RBMS2: variants seen among roughly 807,000 people sequenced by gnomAD.
RBMS2 encodes the protein RNA-binding motif, single-stranded-interacting protein 2.
A neutral mutation model predicts 58.4 loss-of-function variants in RBMS2; 38 were observed. The ratio of observed to expected loss-of-function variants is 0.65; its 90% CI spans 0.50 to 0.85. The LOEUF (loss-of-function observed/expected upper bound fraction) is 0.85, where lower values mean the gene tolerates loss of function less well. Among genes scored for constraint, RBMS2 ranks in the 40% least tolerant of loss-of-function variants. The pLI is 0.00. For missense variants in RBMS2, 367 were observed against 503.7 expected (o/e 0.73, Z 2.60); for synonymous variants, 151 against 180.7 (o/e 0.84, Z 1.32).
intron 2 of RBMS2, among the ~76,000 whole-genome samples, chr12:56,564,093 G>A (rs898897312): frequency 5.3e-5 from 8 of 150,302 alleles, no homozygotes; most frequent in Non-Finnish European, 7.4e-5. Context: ...GATTATAGGC[G>A]CACGCCACCA....
In RBMS2 at chr12:56,594,819, A is replaced by T. The variant is rs1885592458; in HGVS notation, c.*5686A>T. 6.6e-6 allele frequency: 1 copy of T among 152,196 alleles called. No individual in the cohort carries two copies. Among genetic ancestry groups the T allele is most frequent in the African/African-American group, 2.4e-5 (1 of 41,420 alleles). The allele number at this position is 152,196 out of a possible 1,614,324, so 9.4% of individuals were successfully genotyped here. Reference sequence around the variant, plus strand: ...CCCCAAACTTCCTTGTCCTTGTTACACGTCTACCTCACAACCTCACAATTC... The same window carrying T: ...CCCCAAACTTCCTTGTCCTTGTTACTCGTCTACCTCACAACCTCACAATTC... On this transcript the variant is annotated 3_prime_UTR_variant, in exon 14 of 14. Transcript: ENST00000262031.
chr12:56,567,705 G>T (rs577328738), intron 2 of RBMS2, among the ~76,000 whole-genome samples: 15 of 151,428 alleles, frequency 9.9e-5, no homozygotes, highest in African/African-American at 3.6e-4. Flanking sequence ...GGACATTGTG[G>T]TACACACCTT....
intron 1 of RBMS2, among the ~76,000 whole-genome samples, chr12:56,529,072 A>G (rs936153619): frequency 2.0e-5 from 3 of 152,056 alleles, no homozygotes; most frequent in Non-Finnish European, 4.4e-5. Context: ...CAGGAATTCC[A>G]CTCCTAGATA....
At chr12:56,537,589 T>A (rs1214973641) in intron 1 of RBMS2, among the ~76,000 whole-genome samples, 1 of 152,230 alleles carries the variant, frequency 6.6e-6, no homozygotes, top group African/African-American at 2.4e-5. Flanking sequence ...TTTATTCATT[T>A]TCCCATTGAT....
At chr12:56,560,360 C>G (rs1463133395) in intron 1 of RBMS2, among the ~76,000 whole-genome samples, 1 of 151,710 alleles carries the variant, frequency 6.6e-6, no homozygotes, top group Non-Finnish European at 1.5e-5. Flanking sequence ...GGGTTCACAC[C>G]ATTCTTCTGC....
At position 56,581,361 on chromosome 12, in the gene RBMS2, G is replaced by A. The variant is rs750421234; in HGVS notation, c.623-38G>A. On this transcript the variant is annotated intron_variant, in intron 6 of 13. Coordinates refer to ENST00000262031, the MANE Select transcript of RBMS2 (RefSeq NM_002898.4). ...CATGACTGTGCCTGGGCCACATGAGGTGGGACTCAGCTGCCCATCTGCCTT... is the reference window on the plus strand; with the variant it reads ...CATGACTGTGCCTGGGCCACATGAGATGGGACTCAGCTGCCCATCTGCCTT... 2.5e-6 allele frequency: 4 copies of A among 1,603,448 alleles called. No individual in the cohort carries two copies. The South Asian group carries it at 3.3e-5, about 13-fold the overall frequency.
intron 2 of RBMS2, among the ~76,000 whole-genome samples, chr12:56,567,353 C>A (rs1446227723): frequency 2.7e-5 from 4 of 148,142 alleles, no homozygotes; most frequent in Middle Eastern, 3.4e-3. Flanking sequence ...CCATTGCACT[C>A]CAGCCTGGGC....
At chr12:56,522,248 C>T (rs1871844246) in intron 1 of RBMS2, among the ~76,000 whole-genome samples, 159 bp downstream of exon 1, 1 of 152,036 alleles carries the variant, frequency 6.6e-6, no homozygotes, top group Non-Finnish European at 1.5e-5. Flanking sequence ...CTGCTTTCTG[C>T]ATCTTTCCTC....
At chr12:56,559,570 G>A (rs938775912) in intron 1 of RBMS2, among the ~76,000 whole-genome samples, 2 of 150,708 alleles carry the variant, frequency 1.3e-5, no homozygotes, top group East Asian at 2.1e-4. Flanking sequence ...TTTAGGTCAC[G>A]GCCGGGCGCG....
In RBMS2 at chr12:56,588,923, A is replaced by G; in HGVS notation, c.1144-9A>G. 2.5e-6 allele frequency: 4 copies of G among 1,614,090 alleles called. No homozygotes were observed. The highest frequency in any genetic ancestry group is 3.4e-6 in the Non-Finnish European group (4 of 1,179,956). On this transcript the variant is annotated splice_polypyrimidine_tract_variant and intron_variant, in intron 12 of 13. Transcript: ENST00000262031. ...CGCAAGATGACCCCCCTCCTTGGCT[A>G]TGGCACAGGAGAGCAGCGGCCAACA... is the stretch of plus-strand genomic sequence containing the variant.
At chr12:56,579,292 A>G (rs966153269) in intron 5 of RBMS2, among the ~76,000 whole-genome samples, 1 of 152,092 alleles carries the variant, frequency 6.6e-6, no homozygotes, top group African/African-American at 2.4e-5. Context: ...TACGATACCT[A>G]ATGTGTGGTT....
chr12:56,562,506 G>A lies in RBMS2; in HGVS notation c.156G>A (p.Gln52=). Residue 52 remains glutamine (Q), a synonymous_variant, in exon 2 of 14, where the codon CAG becomes CAA. Transcript: ENST00000262031. ...GTAGTGGAAGCAATGGAAATGACCA[G>A]CTGAGCAAAACCAACCTATACATCC... ...NSSSGSNGND[Q]LSKTNLYIRG... 1.2e-6 allele frequency: 2 copies of A among 1,609,584 alleles called. No homozygotes were observed. The highest frequency in any genetic ancestry group is 1.7e-6 in the Non-Finnish European group (2 of 1,175,832).
chr12:56,586,776 T>A (rs1884727340), intron 9 of RBMS2, 73 bp from the exon 10 acceptor site: 1 of 1,315,906 alleles, frequency 7.6e-7, no homozygotes, highest in African/African-American at 1.5e-5. Flanking sequence ...CTGAGCTTTG[T>A]TGAACATTAT....
At position 56,568,980 on chromosome 12, in the gene RBMS2, G is replaced by C; in HGVS notation, c.239G>C (p.Gly80Ala). The C allele has an allele frequency of 6.2e-7, 1 of 1,610,928 alleles. No individual in the cohort carries two copies. The highest frequency in any genetic ancestry group is 8.5e-7 in the Non-Finnish European group (1 of 1,177,194). ...TGCATTTTCCTCTCCCTTAGATATG[G>C]CAAGATTGTTTCCACTAAGGCCATA... ...QDLVKLCQPY[G>A]KIVSTKAILD... The change falls in exon 3 of 14, where the codon GGC becomes GCC. Residue 80 changes from glycine to alanine, a missense_variant. Transcript: ENST00000262031.
At chr12:56,527,237 G>T (rs1274901980) in intron 1 of RBMS2, among the ~76,000 whole-genome samples, 1 of 152,210 alleles carries the variant, frequency 6.6e-6, no homozygotes, top group Non-Finnish European at 1.5e-5. Flanking sequence ...ATAGGACTGA[G>T]AATTAAGAAC....
At chr12:56,582,000 T>G in intron 8 of RBMS2, 59 bp from the exon 9 acceptor site, 1 of 1,568,156 alleles carries the variant, frequency 6.4e-7, no homozygotes, top group African/African-American at 1.4e-5. Flanking sequence ...GCCTATCAGT[T>G]GGGACCCTTC....
In RBMS2 at chr12:56,544,754, A is replaced by ATTTTTTTTT. The variant is rs537510847; in HGVS notation, c.67-17658_67-17650dup. 5.7e-4 allele frequency among the ~76,000 whole-genome samples: 66 copies of ATTTTTTTTT among 116,060 alleles called. 1 individual carries two copies. The highest frequency in any genetic ancestry group is 7.2e-4 in the Non-Finnish European group (42 of 58,362). The allele number at this position is 116,060 out of a possible 152,430, so 76.1% of individuals were successfully genotyped here. ...TGCCACCATGCCCAGCTAATTTTTAATTTTTTTTTTTTTCTTTTTTGTAGA... is the reference window on the plus strand; with the variant it reads ...TGCCACCATGCCCAGCTAATTTTTAATTTTTTTTTTTTTTTTTTTTTTCTTTTTTGTAGA... On this transcript the variant is annotated intron_variant, in intron 1 of 13. Coordinates refer to ENST00000262031, the MANE Select transcript of RBMS2 (RefSeq NM_002898.4).
Position 56,591,499 on chromosome 12 carries a change from C to G in RBMS2, c.*2366C>G, listed in dbSNP as rs1041370324. 3 of 152,156 alleles carry G rather than the reference C, an allele frequency of 2.0e-5. No homozygotes were observed. The highest frequency in any genetic ancestry group is 4.8e-5 in the African/African-American group (2 of 41,414). The allele number at this position is 152,156 out of a possible 1,614,324, so 9.4% of individuals were successfully genotyped here. On this transcript the variant is annotated 3_prime_UTR_variant, in exon 14 of 14. Transcript: ENST00000262031. ...ATCCAGTGTAAAATAGCCCCAAGCC[C>G]AGCAACCTTCTAGAGGGCTCTGGCT...
chr12:56,577,848 A>C (rs1412593690), intron 5 of RBMS2, among the ~76,000 whole-genome samples: 1 of 152,048 alleles, frequency 6.6e-6, no homozygotes, highest in Non-Finnish European at 1.5e-5. Flanking sequence ...ACGCCCGGCT[A>C]ATTTTTTGTA....
Sources: gnomAD v4.1 joint callset for allele counts (sites outside exome capture counted in the v4.1 genomes callset) on GRCh38, gnomAD v4.1.1 for gene constraint, MANE v1.5 for transcripts, NCBI Gene and HGNC (gene_info 2026-07-23, HGNC 2026-07-21) for gene names.